Variants in ANGPTL2 observed in about 807,000 individuals in gnomAD.
ANGPTL2 encodes angiopoietin-related protein 2.
ANGPTL2 carries 25 observed loss-of-function variants against 52.8 expected under a neutral mutation model. The ratio of observed to expected loss-of-function variants is 0.47; its 90% CI spans 0.35 to 0.66. ANGPTL2 has a LOEUF of 0.66. Ranked by LOEUF, ANGPTL2 falls within the 30% of genes least tolerant of loss-of-function variation. The pLI is 0.01. For synonymous variants in ANGPTL2, 276 were observed against 277.4 expected (o/e 1.00, Z 0.05); for missense variants, 546 against 656.9 (o/e 0.83, Z 1.84).
intron 2 of ANGPTL2, among the ~76,000 whole-genome samples, chr9:127,107,579 A>G (rs1234907573): frequency 6.6e-6 from 1 of 152,226 alleles, no homozygotes; most frequent in African/African-American, 2.4e-5. Flanking sequence ...CAGGAGAGAC[A>G]TTCTCTTCTA....
intron 2 of ANGPTL2, among the ~76,000 whole-genome samples, chr9:127,101,194 G>A (rs2053688360): frequency 6.6e-6 from 1 of 152,214 alleles, no homozygotes; most frequent in African/African-American, 2.4e-5. Context: ...TGATGATCAT[G>A]TATCTAGAGC....
rs754289869 is a variant in ANGPTL2 at position 127,108,083 on chromosome 9, G to A, written c.649C>T (p.Pro217Ser). ...TAGACCCGGGGCGGGGCAGCGGGGG[G>A]TGGCTGGGGGACGGGCCTGGCCGAG... ...VPSARPVPQPPPAAPPRVYQP... is the reference protein window; with the variant it reads ...VPSARPVPQPSPAAPPRVYQP... Residue 217 changes from proline to serine, a missense_variant, in exon 2 of 5, where the codon CCC (proline) becomes TCC (serine). Physicochemically the swap from Pro to Ser is moderately conservative, Grantham distance 74. Transcript: ENST00000373425. 9.9e-6 allele frequency: 16 copies of A among 1,610,940 alleles called. 1 individual carries two copies. The Admixed American group carries it at 2.7e-4, about 27-fold the overall frequency.
chr9:127,111,799 G>T (rs1468033309), intron 1 of ANGPTL2, among the ~76,000 whole-genome samples: 1 of 152,232 alleles, frequency 6.6e-6, no homozygotes, highest in Non-Finnish European at 1.5e-5. Flanking sequence ...CAGAAAGCTA[G>T]AAGGTGGCAG....
intron 2 of ANGPTL2, among the ~76,000 whole-genome samples, chr9:127,097,952 T>C (rs1018547636): frequency 6.6e-6 from 1 of 152,224 alleles, no homozygotes; most frequent in Non-Finnish European, 1.5e-5. Context: ...GAGGATGTCA[T>C]GAACCCAAGA....
chr9:127,112,042 G>C (rs2054867924), intron 1 of ANGPTL2, among the ~76,000 whole-genome samples: 1 of 152,166 alleles, frequency 6.6e-6, no homozygotes, highest in South Asian at 2.1e-4. Flanking sequence ...GCTCCACCTT[G>C]GACCAGCCAG....
intron 3 of ANGPTL2, 72 bp from the exon 4 acceptor site, chr9:127,092,012 A>C: frequency 6.4e-7 from 1 of 1,567,970 alleles, no homozygotes; most frequent in South Asian, 1.2e-5. Context: ...GCTGTCAGAC[A>C]CTCAGCCCTG....
intron 2 of ANGPTL2, among the ~76,000 whole-genome samples, chr9:127,104,074 A>T (rs2053993038): frequency 6.6e-6 from 1 of 152,182 alleles, no homozygotes; most frequent in Admixed American, 6.5e-5. Flanking sequence ...AGGCCATGCT[A>T]GGGGATCTGA....
At position 127,093,610 on chromosome 9, in the gene ANGPTL2, C is replaced by T. The variant is rs540009206; in HGVS notation, c.1011+123G>A. Reference sequence around the variant, plus strand: ...CCTCAGGTATATGTGTTGTTGGGGCCGCACAGGCCTGGGCTTGGTCAGCAT... The same window carrying T: ...CCTCAGGTATATGTGTTGTTGGGGCTGCACAGGCCTGGGCTTGGTCAGCAT... On this transcript the variant is annotated intron_variant, in intron 3 of 4. Transcript: ENST00000373425. 1.1e-3 allele frequency: 1,390 copies of T among 1,219,344 alleles called. 13 individuals carry two copies. Among genetic ancestry groups the T allele is most frequent in the Non-Finnish European group, 2.1e-4 (178 of 866,778 alleles). The allele number at this position is 1,219,344 out of a possible 1,614,324, so 75.5% of individuals were successfully genotyped here.
chr9:127,116,874 A>G (rs1485012553), intron 1 of ANGPTL2, among the ~76,000 whole-genome samples: 1 of 152,210 alleles, frequency 6.6e-6, no homozygotes, highest in Non-Finnish European at 1.5e-5. Context: ...GTCCAGGGGC[A>G]CAGTGCTACC....
rs2052503270 is a variant in ANGPTL2, at chr9:127,091,755, G to A, written c.1197C>T (p.Arg399=). The part of the protein sequence containing the change: ...ESEYYKLRLG[R]YHGNAGDSFT... ...AGGAGTCACCCGCATTGCCATGGTA[G>A]CGCCCCAGCCGCAGCTTATAATACT... Residue 399 remains arginine (R), a synonymous_variant, in exon 4 of 5, where the codon CGC becomes CGT. Transcript: ENST00000373425. This position sits in a 1 kb window ranked among gnomAD's most constrained non-coding sequence, Gnocchi z 4.3. 3 of 1,614,144 alleles carry A rather than the reference G, an allele frequency of 1.9e-6. No individual in the cohort carries two copies. The African/African-American group carries it at 4.0e-5, about 22-fold the overall frequency.
At chr9:127,092,558 G>A (rs972660004) in intron 3 of ANGPTL2, among the ~76,000 whole-genome samples, 1 of 152,132 alleles carries the variant, frequency 6.6e-6, no homozygotes, top group Non-Finnish European at 1.5e-5. Context: ...TTGAGCGCTT[G>A]TGATGTGCTG....
intron 2 of ANGPTL2, among the ~76,000 whole-genome samples, chr9:127,095,288 C>A (rs2052991693): frequency 6.6e-6 from 1 of 152,110 alleles, no homozygotes; most frequent in Non-Finnish European, 1.5e-5. Context: ...ATCCCAGCTA[C>A]CCGGGAGGGT....
At chr9:127,105,932 TGTATTGTATCCACAG>T (rs1291812280) in intron 2 of ANGPTL2, among the ~76,000 whole-genome samples, 1 of 152,232 alleles carries the variant, frequency 6.6e-6, no homozygotes, top group African/African-American at 2.4e-5. Flanking sequence ...CATGCTTGAT[TGTATTGTATCCACAG>T]CATAACACTG....
At chr9:127,119,352 A>C (rs979845615) in intron 1 of ANGPTL2, among the ~76,000 whole-genome samples, 2 of 152,210 alleles carry the variant, frequency 1.3e-5, no homozygotes, top group African/African-American at 4.8e-5. Context: ...TAGGACAGCA[A>C]CCAAAGCAGA....
chr9:127,093,412 C>A (rs1166107395), intron 3 of ANGPTL2, among the ~76,000 whole-genome samples: 15 of 152,162 alleles, frequency 9.9e-5, no homozygotes. Context: ...AAATGCTCCT[C>A]ACCCCTGGGC....
At chr9:127,089,504 C>T (rs2052193954) in intron 4 of ANGPTL2, among the ~76,000 whole-genome samples, 1 of 152,152 alleles carries the variant, frequency 6.6e-6, no homozygotes, top group African/African-American at 2.4e-5. Context: ...AAGGGAACTC[C>T]ACACCTTGTG....
At chr9:127,116,892 G>A (rs1214568383) in intron 1 of ANGPTL2, among the ~76,000 whole-genome samples, 2 of 152,202 alleles carry the variant, frequency 1.3e-5, no homozygotes, top group Non-Finnish European at 1.5e-5. Context: ...ACCAAGTGGT[G>A]GAGCTGGGCC....
At chr9:127,093,649 G>A in intron 3 of ANGPTL2, 84 bp downstream of exon 3, 1 of 1,505,852 alleles carries the variant, frequency 6.6e-7, no homozygotes, top group Non-Finnish European at 9.1e-7. Context: ...CCTCTGAGTG[G>A]GCTCTTCTAT....
At chr9:127,094,201 C>T (rs1190763005) in intron 2 of ANGPTL2, among the ~76,000 whole-genome samples, 1 of 152,178 alleles carries the variant, frequency 6.6e-6, no homozygotes, top group Non-Finnish European at 1.5e-5. Flanking sequence ...TTCTCCCAGC[C>T]CCCAGTTTCT....
Sources: allele counts gnomAD v4.1 joint callset (sites outside exome capture counted in the v4.1 genomes callset), GRCh38; gene constraint gnomAD v4.1.1; non-coding constraint Gnocchi (gnomAD v3.1); transcripts MANE v1.5; gene names NCBI Gene and HGNC (gene_info 2026-07-23, HGNC 2026-07-21).